ADAMTSL3: variants seen among roughly 807,000 people sequenced by gnomAD.
ADAMTSL3 encodes ADAMTS-like protein 3.
In ADAMTSL3, 128 loss-of-function variants were observed where a neutral mutation model predicts 201.7. The ratio of observed to expected loss-of-function variants is 0.63; its 90% CI spans 0.55 to 0.73. The LOEUF is 0.73. ADAMTSL3 is among the 30% of genes least tolerant of loss of function. The pLI is 0.00. For synonymous variants in ADAMTSL3, 738 were observed against 748.4 expected (o/e 0.99, Z 0.23); for missense variants, 1,990 against 2,119.6 (o/e 0.94, Z 1.20).
intron 3 of ADAMTSL3, among the ~76,000 whole-genome samples, chr15:83,725,717 A>AT (rs1292633105): frequency 6.6e-6 from 1 of 152,042 alleles, no homozygotes; most frequent in Non-Finnish European, 1.5e-5. Flanking sequence ...AGAAGTATGC[A>AT]TTTATATCTG....
intron 6 of ADAMTSL3, among the ~76,000 whole-genome samples, chr15:83,831,510 G>A (rs1282775612): frequency 1.3e-5 from 2 of 152,156 alleles, no homozygotes; most frequent in Non-Finnish European, 2.9e-5. Flanking sequence ...GGTACCTGAA[G>A]CATATGTAAT....
chr15:83,821,450 G>C (rs1437645926), intron 6 of ADAMTSL3, among the ~76,000 whole-genome samples: 2 of 151,352 alleles, frequency 1.3e-5, no homozygotes, highest in African/African-American at 2.4e-5. Context: ...GACTCTTAAC[G>C]AGCATGCTGC....
At chr15:83,941,290 A>G (rs1446286385) in intron 17 of ADAMTSL3, among the ~76,000 whole-genome samples, 1 of 151,950 alleles carries the variant, frequency 6.6e-6, no homozygotes, top group Non-Finnish European at 1.5e-5. Context: ...TTTATAATAG[A>G]AAATTAGAAA....
At chr15:83,699,067 G>T (rs2061728622) in intron 2 of ADAMTSL3, among the ~76,000 whole-genome samples, 1 of 151,858 alleles carries the variant, frequency 6.6e-6, no homozygotes, top group African/African-American at 2.4e-5. Context: ...TTTCTCTAGG[G>T]AGTGGCTTTT....
At chr15:83,912,972 G>A (rs1281977498) in intron 15 of ADAMTSL3, 120 bp from the exon 16 acceptor site, 4 of 1,053,036 alleles carry the variant, frequency 3.8e-6, no homozygotes, top group South Asian at 1.6e-5. Context: ...CCAAATGTGT[G>A]GAATTCCACC....
chr15:83,905,776 A>G (rs2065820786), intron 15 of ADAMTSL3, among the ~76,000 whole-genome samples: 1 of 152,204 alleles, frequency 6.6e-6, no homozygotes, highest in African/African-American at 2.4e-5. Flanking sequence ...GCCAGGGATA[A>G]GCATTTAATT....
rs567227956 is a variant in ADAMTSL3, at chr15:84,020,674, T to G, written c.4274-736T>G. ...TATTACAGGAAAATCTGGCACCTTC[T>G]GTGATCACACACAAATCCATCATCA... On this transcript the variant is annotated intron_variant, in intron 25 of 29. Coordinates refer to ENST00000286744, the MANE Select transcript of ADAMTSL3 (RefSeq NM_207517.3). 5.3e-5 allele frequency among the ~76,000 whole-genome samples: 8 copies of G among 152,350 alleles called. 1 individual carries two copies. The South Asian group carries it at 1.7e-3, about 32-fold the overall frequency.
chr15:83,916,031 G>A (rs2401181), intron 16 of ADAMTSL3, among the ~76,000 whole-genome samples: 21,118 of 152,088 alleles, frequency 0.14, 1,911 homozygotes, highest in Middle Eastern at 0.33. Flanking sequence ...AATTACCTTT[G>A]AATCCATTTA....
In ADAMTSL3 at chr15:83,913,350, C is replaced by T. The variant is rs1385204514; in HGVS notation, c.1959C>T (p.Phe653=). ...CTTACGACTGGGAGTACGCTGGGTT[C>T]ACCCCTTGCACAGCAACATGCGTGG... ...ETTYDWEYAG[F]TPCTATCVGG... Residue 653 remains phenylalanine (F), a synonymous_variant, in exon 16 of 30, where the codon TTC becomes TTT. Transcript: ENST00000286744. 6.2e-7 allele frequency: 1 copy of T among 1,613,524 alleles called. No homozygotes were observed. Among genetic ancestry groups the T allele is most frequent in the South Asian group, 1.1e-5 (1 of 91,052 alleles).
chr15:83,978,230 T>C (rs881984), intron 20 of ADAMTSL3, among the ~76,000 whole-genome samples: 60,143 of 152,152 alleles, frequency 0.4, 12,696 homozygotes, highest in African/African-American at 0.55. Context: ...CAGGACCCAG[T>C]AAGCAAGGAG....
At chr15:83,673,692 C>T (rs1382644194) in intron 2 of ADAMTSL3, among the ~76,000 whole-genome samples, 1 of 152,230 alleles carries the variant, frequency 6.6e-6, no homozygotes, top group Admixed American at 6.5e-5. Flanking sequence ...CTTTTTTAAG[C>T]TGTCATGTGG....
chr15:83,852,922 T>A (rs1223572440), intron 7 of ADAMTSL3, among the ~76,000 whole-genome samples: 1 of 152,140 alleles, frequency 6.6e-6, no homozygotes, highest in Non-Finnish European at 1.5e-5. Flanking sequence ...AGTGGCGTGA[T>A]CTTGGCTCAC....
rs1192969011 is a variant in ADAMTSL3 at position 83,704,447 on chromosome 15, A to G, written c.128A>G (p.Gln43Arg). Residue 43 changes from glutamine (Q) to arginine (R), a missense_variant, in exon 3 of 30, where the codon CAG (glutamine) becomes CGG (arginine). Coordinates refer to ENST00000286744, the MANE Select transcript of ADAMTSL3 (RefSeq NM_207517.3). Reference sequence around the variant, plus strand: ...CTTCCCGAGTTTGCACTTTCTCCTCAGGGAAGTTTTCTGGAAGACACAACA... The same window carrying G: ...CTTCCCGAGTTTGCACTTTCTCCTCGGGGAAGTTTTCTGGAAGACACAACA... ...YFLPEFALSP[Q>R]GSFLEDTTGE... The G allele has an allele frequency of 2.5e-6, 4 of 1,614,190 alleles. No homozygotes were observed. The highest frequency in any genetic ancestry group is 3.4e-6 in the Non-Finnish European group (4 of 1,180,024).
chr15:83,758,906 A>G (rs528953771), intron 3 of ADAMTSL3, among the ~76,000 whole-genome samples: 190 of 152,274 alleles, frequency 1.2e-3, no homozygotes, highest in African/African-American at 4.4e-3. Flanking sequence ...AGGTTTTAAT[A>G]TTGATGAGGT....
At chr15:83,685,078 T>C (rs1232503573) in intron 2 of ADAMTSL3, among the ~76,000 whole-genome samples, 1 of 152,212 alleles carries the variant, frequency 6.6e-6, no homozygotes, top group African/African-American at 2.4e-5. Flanking sequence ...ATAATTTATA[T>C]TGCCCTGATT....
rs1567226078 is a variant in ADAMTSL3 at position 83,903,938 on chromosome 15, A to AGGGAGGGAGGGAGGG, written c.1700+4207_1700+4208insGGGAGGGAGGGAGGG. Among the ~76,000 whole-genome samples, 3 of 39,132 alleles carry AGGGAGGGAGGGAGGG rather than the reference A, an allele frequency of 7.7e-5. 1 individual carries two copies. Among genetic ancestry groups the AGGGAGGGAGGGAGGG allele is most frequent in the African/African-American group, 5.6e-4 (3 of 5,316 alleles). 25.7% of individuals were successfully genotyped at this position (39,132 alleles called of 152,430 possible). On this transcript the variant is annotated intron_variant, in intron 15 of 29. Transcript: ENST00000286744. ...ACATCAAAAAAAAAAAAAAAAAAAAAAAAAAAGAAAAAAGAAAGAAAGAAA... is the reference window on the plus strand; with the variant it reads ...ACATCAAAAAAAAAAAAAAAAAAAAAGGGAGGGAGGGAGGGAAAAAAGAAAAAAGAAAGAAAGAAA...
chr15:83,899,698 T>C lies in ADAMTSL3; in HGVS notation c.1667T>C (p.Leu556Pro). 1.9e-6 allele frequency: 3 copies of C among 1,612,170 alleles called. No homozygotes were observed. Among genetic ancestry groups the C allele is most frequent in the Non-Finnish European group, 2.5e-6 (3 of 1,178,752 alleles). Residue 556 changes from leucine to proline, a missense_variant, in exon 15 of 30, where the codon CTA (leucine) becomes CCA (proline). Transcript: ENST00000286744. ...KLPWLKQAQE[L>P]EETRIATEEP... Reference sequence around the variant, plus strand: ...CCTTGGCTGAAACAAGCACAAGAACTAGAAGAGACCAGAATAGCAACAGAA... The same window carrying C: ...CCTTGGCTGAAACAAGCACAAGAACCAGAAGAGACCAGAATAGCAACAGAA...
chr15:83,712,550 C>G (rs932584930), intron 3 of ADAMTSL3, among the ~76,000 whole-genome samples: 1 of 152,180 alleles, frequency 6.6e-6, no homozygotes, highest in African/African-American at 2.4e-5. Flanking sequence ...AACCACTGAT[C>G]AGAGCATTCA....
intron 6 of ADAMTSL3, among the ~76,000 whole-genome samples, chr15:83,828,381 C>A (rs1416232225): frequency 8.5e-5 from 13 of 152,178 alleles, no homozygotes. Context: ...GATTTTGTAT[C>A]CTGAGACTTC....
Sources: allele counts gnomAD v4.1 joint callset (sites outside exome capture counted in the v4.1 genomes callset), GRCh38; gene constraint gnomAD v4.1.1; transcripts MANE v1.5; gene names NCBI Gene and HGNC (gene_info 2026-07-23, HGNC 2026-07-21).